The following SLC35F3 variants were observed in gnomAD, a reference collection of about 807,000 sequenced individuals.
The protein encoded by SLC35F3 is solute carrier family 35 member F3.
In SLC35F3, 25 loss-of-function variants were observed where a neutral mutation model predicts 49.9. That is an observed-to-expected ratio of 0.50 (90% CI 0.37 to 0.70). SLC35F3 has a LOEUF of 0.70. SLC35F3 is among the 30% of genes least tolerant of loss of function. The pLI, the probability that SLC35F3 is intolerant of heterozygous loss-of-function variation, is 0.00. For synonymous variants in SLC35F3, 275 were observed against 265.4 expected (o/e 1.04, Z -0.35); for missense variants, 525 against 639.8 (o/e 0.82, Z 1.94).
At chr1:233,979,421 T>A (rs531261451) in intron 2 of SLC35F3, among the ~76,000 whole-genome samples, 32 of 152,340 alleles carry the variant, frequency 2.1e-4, no homozygotes, top group African/African-American at 7.5e-4. Context: ...TCAGACAGCA[T>A]GATATGAAGA....
intron 2 of SLC35F3, among the ~76,000 whole-genome samples, chr1:234,195,703 G>A (rs1666797610): frequency 6.6e-6 from 1 of 152,074 alleles, no homozygotes; most frequent in African/African-American, 2.4e-5. Context: ...ATATGGTTTG[G>A]CTGCATCCTC....
At chr1:234,241,603 C>T (rs535966159) in intron 3 of SLC35F3, among the ~76,000 whole-genome samples, 5 of 152,068 alleles carry the variant, frequency 3.3e-5, no homozygotes, top group East Asian at 3.9e-4. Context: ...GGCATGGTAG[C>T]ACATGCCTGT....
At chr1:234,082,015 T>C (rs1462474339) in intron 2 of SLC35F3, among the ~76,000 whole-genome samples, 1 of 142,154 alleles carries the variant, frequency 7.0e-6, no homozygotes, top group Non-Finnish European at 1.5e-5. Flanking sequence ...TCGGCCTCCC[T>C]AAGTGCTGGA....
intron 2 of SLC35F3, among the ~76,000 whole-genome samples, chr1:233,930,190 T>A (rs972962786): frequency 6.6e-6 from 1 of 151,838 alleles, no homozygotes; most frequent in African/African-American, 2.4e-5. Context: ...GAGAAAAACT[T>A]TGAAAGGTTC....
At position 234,055,364 on chromosome 1, in the gene SLC35F3, C is replaced by T. The variant is rs575303237; in HGVS notation, c.283+149606C>T. Among the ~76,000 whole-genome samples the T allele has an allele frequency of 2.0e-5, 3 of 152,280 alleles. No homozygotes were observed. In the South Asian group the frequency reaches 6.2e-4, roughly 32 times the overall value. The stretch of plus-strand genomic sequence containing the variant: ...CTCAAGCCTCAGCAATGGCGGACAC[C>T]CCTCTCCCAGACTTGCTGCCACCTT... On this transcript the variant is annotated intron_variant, in intron 2 of 7. Transcript: ENST00000366618.
At chr1:233,966,987 G>C (rs1436048858) in intron 2 of SLC35F3, among the ~76,000 whole-genome samples, 1 of 152,060 alleles carries the variant, frequency 6.6e-6, no homozygotes, top group Admixed American at 6.5e-5. Flanking sequence ...ACTTCTACAG[G>C]GTCATGAGTC....
chr1:233,967,188 G>A (rs1189252503), intron 2 of SLC35F3, among the ~76,000 whole-genome samples: 3 of 151,918 alleles, frequency 2.0e-5, no homozygotes, highest in Admixed American at 6.6e-5. Flanking sequence ...ATTTTATTGG[G>A]CATGCTGTAT....
At chr1:234,239,072 G>A (rs570265782) in intron 3 of SLC35F3, among the ~76,000 whole-genome samples, 3 of 152,244 alleles carry the variant, frequency 2.0e-5, no homozygotes, top group South Asian at 2.1e-4. Context: ...ACTTTTATGC[G>A]GTCATGATAC....
intron 2 of SLC35F3, among the ~76,000 whole-genome samples, chr1:234,119,650 G>C (rs1348606125): frequency 6.6e-6 from 1 of 151,972 alleles, no homozygotes; most frequent in African/African-American, 2.4e-5. Flanking sequence ...ATGCATCCCT[G>C]GTAGAAATAA....
intron 2 of SLC35F3, among the ~76,000 whole-genome samples, chr1:233,984,335 C>T (rs1026762395): frequency 1.3e-5 from 2 of 152,162 alleles, no homozygotes; most frequent in Non-Finnish European, 2.9e-5. Flanking sequence ...ATATGCACAC[C>T]GAGGTTTGCA....
intron 4 of SLC35F3, among the ~76,000 whole-genome samples, chr1:234,310,407 C>A (rs375437070): frequency 6.6e-6 from 1 of 152,082 alleles, no homozygotes; most frequent in African/African-American, 2.4e-5. Context: ...GCAGTGGGGA[C>A]GTGAGTCAAC....
At chr1:234,275,228 G>C (rs1470094527) in intron 3 of SLC35F3, among the ~76,000 whole-genome samples, 1 of 151,982 alleles carries the variant, frequency 6.6e-6, no homozygotes, top group Non-Finnish European at 1.5e-5. Flanking sequence ...TTACCCTCAG[G>C]CTATGTGTAC....
chr1:234,078,616 G>A (rs777360483), intron 2 of SLC35F3, among the ~76,000 whole-genome samples: 2 of 152,138 alleles, frequency 1.3e-5, no homozygotes, highest in Admixed American at 1.3e-4. Flanking sequence ...TCCTTTGCAG[G>A]CCCTTTCTTC....
chr1:233,976,379 G>C (rs1327066189), intron 2 of SLC35F3, among the ~76,000 whole-genome samples: 1 of 151,950 alleles, frequency 6.6e-6, no homozygotes, highest in South Asian at 2.1e-4. Context: ...GCAGGCTTAC[G>C]CAAAAGTAGG....
intron 2 of SLC35F3, among the ~76,000 whole-genome samples, chr1:233,923,115 T>A (rs1662095273): frequency 6.6e-6 from 1 of 152,218 alleles, no homozygotes; most frequent in Non-Finnish European, 1.5e-5. Context: ...GGCTTAGAAT[T>A]GTCTTGACAA....
chr1:234,116,453 TC>T (rs1408521014), intron 2 of SLC35F3, among the ~76,000 whole-genome samples: 3 of 152,092 alleles, frequency 2.0e-5, no homozygotes, highest in Non-Finnish European at 2.9e-5. Flanking sequence ...GCTCACATTG[TC>T]CCAAATTTAG....
intron 2 of SLC35F3, among the ~76,000 whole-genome samples, chr1:234,130,706 T>G (rs527339449): frequency 2.0e-5 from 3 of 150,536 alleles, no homozygotes; most frequent in African/African-American, 4.9e-5. Flanking sequence ...CAAATGAAAC[T>G]CTCATACACT....
chr1:234,082,279 C>T (rs1664889940), intron 2 of SLC35F3, among the ~76,000 whole-genome samples: 2 of 152,244 alleles, frequency 1.3e-5, no homozygotes, highest in African/African-American at 2.4e-5. Context: ...CGGAGAAGTA[C>T]ATCAAATGGC....
At chr1:233,956,055 T>G (rs989806976) in intron 2 of SLC35F3, among the ~76,000 whole-genome samples, 4 of 151,906 alleles carry the variant, frequency 2.6e-5, no homozygotes, top group African/African-American at 9.7e-5. Flanking sequence ...GCCTGGCTAA[T>G]TTTTGTATGT....
Sources: gnomAD v4.1 joint callset for allele counts (sites outside exome capture counted in the v4.1 genomes callset) on GRCh38, gnomAD v4.1.1 for gene constraint, MANE v1.5 for transcripts, NCBI Gene and HGNC (gene_info 2026-07-23, HGNC 2026-07-21) for gene names.